ZFR: variants seen among roughly 807,000 people sequenced by gnomAD.
ZFR encodes zinc finger RNA-binding protein.
A neutral mutation model predicts 130.7 loss-of-function variants in ZFR; 19 were observed. The ratio of observed to expected loss-of-function variants is 0.15; its 90% CI spans 0.10 to 0.21. The LOEUF is 0.21. Among genes scored for constraint, ZFR ranks in the 10% least tolerant of loss-of-function variants. The probability of loss-of-function intolerance (pLI) is 1.00; values close to 1 mark genes in which losing one functional copy is unlikely to be tolerated. For synonymous variants in ZFR, 466 were observed against 456.9 expected (o/e 1.02, Z -0.25); for missense variants, 872 against 1,321.5 (o/e 0.66, Z 5.27).
At chr5:32,381,158 A>T (rs958938400) in intron 15 of ZFR, among the ~76,000 whole-genome samples, 1 of 152,236 alleles carries the variant, frequency 6.6e-6, no homozygotes, top group African/African-American at 2.4e-5. Context: ...TCCTGTGACG[A>T]TAGATGTGTA....
At chr5:32,375,129 C>G (rs1752770258) in intron 17 of ZFR, among the ~76,000 whole-genome samples, 1 of 152,168 alleles carries the variant, frequency 6.6e-6, no homozygotes, top group African/African-American at 2.4e-5. Flanking sequence ...TATGAAGAAT[C>G]ATTCCCAGAA....
Position 32,403,278 on chromosome 5 carries a change from G to A in ZFR, c.1344C>T (p.Ser448=). The change falls in exon 8 of 20, where the codon AGC becomes AGT. Residue 448 remains serine, a synonymous_variant. Coordinates refer to ENST00000265069, the MANE Select transcript of ZFR (RefSeq NM_016107.5). The part of the protein sequence containing the change: ...SASKPTASPS[S]IAANNCTVNT... ...TCACAGTACAATTGTTTGCTGCAAT[G>A]CTTGAAGGAGAGGCAGTCGGCTTTG... 1 of 1,614,182 alleles carries A rather than the reference G, an allele frequency of 6.2e-7. No homozygotes were observed. Among genetic ancestry groups the A allele is most frequent in the Non-Finnish European group, 8.5e-7 (1 of 1,180,030 alleles).
intron 4 of ZFR, among the ~76,000 whole-genome samples, chr5:32,416,816 G>A (rs1430086286): frequency 6.6e-6 from 1 of 151,842 alleles, no homozygotes; most frequent in Non-Finnish European, 1.5e-5. Flanking sequence ...TAGCAATAAA[G>A]CCAGTACTGG....
rs1398585383 is a variant in ZFR at position 32,355,241 on chromosome 5, C to T, written c.*519G>A. On this transcript the variant is annotated 3_prime_UTR_variant, in exon 20 of 20. Transcript: ENST00000265069. ...GATAACTTTTTGTGTTGTAATCCTT[C>T]ACATATAGAAAAACAAACTCTGCAG... 6.6e-6 allele frequency: 1 copy of T among 152,152 alleles called. No individual in the cohort carries two copies. The highest frequency in any genetic ancestry group is 1.5e-5 in the Non-Finnish European group (1 of 68,046). The allele number at this position is 152,152 out of a possible 1,614,324, so 9.4% of individuals were successfully genotyped here. A position where few individuals can be genotyped will look rare whatever the true frequency, so the allele number is the denominator to read the frequency against.
chr5:32,434,589 G>C (rs1754294625), intron 2 of ZFR, among the ~76,000 whole-genome samples: 1 of 152,150 alleles, frequency 6.6e-6, no homozygotes, highest in African/African-American at 2.4e-5. Context: ...ACCCTTGTAG[G>C]TGATTCCAAC....
chr5:32,370,345 G>GGC (rs1752642226), intron 17 of ZFR, among the ~76,000 whole-genome samples: 2 of 1,284 alleles, frequency 1.6e-3, no homozygotes, highest in East Asian at 0.016. Context: ...GAGAGAGAGA[G>GGC]AGAGAGAGAC....
intron 5 of ZFR, among the ~76,000 whole-genome samples, chr5:32,410,282 C>CAAA (rs1753673490): frequency 2.9e-4 from 4 of 13,598 alleles, no homozygotes; most frequent in Non-Finnish European, 1.3e-4. Context: ...GACACTGTCT[C>CAAA]CAAAAAAAAA....
At chr5:32,422,599 C>T (rs1264210366) in intron 2 of ZFR, among the ~76,000 whole-genome samples, 1 of 151,812 alleles carries the variant, frequency 6.6e-6, no homozygotes, top group Non-Finnish European at 1.5e-5. Flanking sequence ...GAGTTTGAGA[C>T]CAGCCTGGGC....
chr5:32,392,211 C>A (rs1753197446), intron 11 of ZFR, among the ~76,000 whole-genome samples: 1 of 152,192 alleles, frequency 6.6e-6, no homozygotes, highest in African/African-American at 2.4e-5. Flanking sequence ...CAAATAAGGG[C>A]AGGGACCTTT....
At chr5:32,376,248 C>T (rs139954702) in intron 17 of ZFR, among the ~76,000 whole-genome samples, 1 of 152,284 alleles carries the variant, frequency 6.6e-6, no homozygotes, top group Non-Finnish European at 1.5e-5. Flanking sequence ...CAGAAATAAT[C>T]ACTACTGTAA....
chr5:32,413,218 AAAAAC>A (rs376642773), intron 5 of ZFR, among the ~76,000 whole-genome samples: 4,157 of 151,892 alleles, frequency 0.027, 107 homozygotes, highest in African/African-American at 0.07. Context: ...AAACAAAACA[AAAAAC>A]AAAACAAAAC....
intron 2 of ZFR, among the ~76,000 whole-genome samples, chr5:32,443,948 T>C (rs1754532367): frequency 6.6e-6 from 1 of 151,800 alleles, no homozygotes; most frequent in East Asian, 1.9e-4. Flanking sequence ...CCATTTTAGT[T>C]AAGGGGCCGC....
chr5:32,368,289 G>T (rs111264665), intron 17 of ZFR, among the ~76,000 whole-genome samples: 53 of 152,272 alleles, frequency 3.5e-4, no homozygotes, highest in African/African-American at 1.2e-3. Context: ...TGTCCAGGCT[G>T]CAATGGCGTG....
intron 19 of ZFR, 40 bp downstream of exon 19, chr5:32,363,908 G>A: frequency 6.5e-7 from 1 of 1,531,528 alleles, no homozygotes. Flanking sequence ...AACCTTAATG[G>A]AGTAACCCAA....
At chr5:32,386,863 AT>A (rs1753056572) in intron 14 of ZFR, among the ~76,000 whole-genome samples, 1 of 152,154 alleles carries the variant, frequency 6.6e-6, no homozygotes. Context: ...AGAATGCTTT[AT>A]TAAATTGCTA....
chr5:32,402,947 T>TTAAAAATACACACACAC (rs1236813190), intron 8 of ZFR, among the ~76,000 whole-genome samples, 159 bp downstream of exon 8: 2 of 151,396 alleles, frequency 1.3e-5, no homozygotes, highest in Non-Finnish European at 2.9e-5. Context: ...GGAATAAAAA[T>TTAAAAATACACACACAC]TAAAAATACA....
At chr5:32,416,663 A>G (rs1318549522) in intron 4 of ZFR, among the ~76,000 whole-genome samples, 5 of 152,066 alleles carry the variant, frequency 3.3e-5, no homozygotes, top group Non-Finnish European at 7.4e-5. Flanking sequence ...GATAGTCACT[A>G]TAATTCAAAA....
intron 11 of ZFR, among the ~76,000 whole-genome samples, chr5:32,391,211 C>A (rs927881461): frequency 2.0e-5 from 3 of 152,220 alleles, no homozygotes; most frequent in East Asian, 1.9e-4. Flanking sequence ...ACAGTATACA[C>A]CCTACTAGCC....
chr5:32,411,714 G>GGGGGGC (rs138920140), intron 5 of ZFR, among the ~76,000 whole-genome samples: 1,389 of 54,540 alleles, frequency 0.025, 194 homozygotes, highest in Middle Eastern at 0.068. Flanking sequence ...AATTGAGGGG[G>GGGGGGC]GGCGGGGAAT....
Sources: allele counts gnomAD v4.1 joint callset (sites outside exome capture counted in the v4.1 genomes callset), GRCh38; gene constraint gnomAD v4.1.1; transcripts MANE v1.5; gene names NCBI Gene and HGNC (gene_info 2026-07-23, HGNC 2026-07-21).